Variants in RAD51B observed in about 807,000 individuals in gnomAD.
RAD51B encodes RAD51 paralog B.
RAD51B carries 38 observed loss-of-function variants against 42.2 expected under a neutral mutation model. The observed-to-expected ratio is 0.90, with a 90% CI of 0.70 to 1.18. The LOEUF (loss-of-function observed/expected upper bound fraction) is 1.18. Among genes scored for constraint, RAD51B ranks in the 50% most tolerant of loss-of-function variants. RAD51B has a pLI of 0.00. For missense variants in RAD51B, 373 were observed against 400.7 expected, an observed-to-expected ratio of 0.93 and a Z score of 0.59; for synonymous variants, 154 against 145.2, an observed-to-expected ratio of 1.06 and a Z score of -0.43.
chr14:68,624,697 G>A (rs1273552135), intron 10 of RAD51B, among the ~76,000 whole-genome samples: 1 of 152,132 alleles, frequency 6.6e-6, no homozygotes, highest in Non-Finnish European at 1.5e-5. Flanking sequence ...GCATGCGTGG[G>A]CAGTTCAGGA....
chr14:68,530,697 A>AT (rs906461724), intron 10 of RAD51B, among the ~76,000 whole-genome samples: 4 of 152,020 alleles, frequency 2.6e-5, no homozygotes, highest in East Asian at 1.9e-4. Flanking sequence ...CAGTTTTAGG[A>AT]TTTTTTTAAA....
At chr14:68,101,009 C>G (rs1422217692) in intron 7 of RAD51B, among the ~76,000 whole-genome samples, 1 of 152,182 alleles carries the variant, frequency 6.6e-6, no homozygotes, top group African/African-American at 2.4e-5. Flanking sequence ...GAAGGGGAAG[C>G]AAATATGTCC....
intron 9 of RAD51B, chr14:68,421,815 A>G: frequency 6.3e-7 from 1 of 1,597,454 alleles, no homozygotes; most frequent in Non-Finnish European, 8.5e-7. Context: ...GCCAAAGAGC[A>G]CGTGCTTGCC....
At chr14:68,002,769 A>G (rs1431432045) in intron 7 of RAD51B, among the ~76,000 whole-genome samples, 2 of 152,112 alleles carry the variant, frequency 1.3e-5, no homozygotes, top group African/African-American at 2.4e-5. Context: ...TCCCAGCACC[A>G]CCTATTAAAT....
intron 10 of RAD51B, among the ~76,000 whole-genome samples, chr14:68,491,092 T>G (rs1481639712): frequency 6.6e-6 from 1 of 152,136 alleles, no homozygotes; most frequent in Admixed American, 6.5e-5. Flanking sequence ...TGGATGCCTC[T>G]CCAATGTCCT....
At chr14:68,239,921 A>T (rs1040426522) in intron 7 of RAD51B, among the ~76,000 whole-genome samples, 2 of 152,234 alleles carry the variant, frequency 1.3e-5, no homozygotes, top group Non-Finnish European at 2.9e-5. Flanking sequence ...AAAAAGCTAC[A>T]TTAGTCACAT....
chr14:67,882,988 G>A lies in RAD51B; in HGVS notation c.453-2881G>A, dbSNP rs146847845. On this transcript the variant is annotated intron_variant, in intron 5 of 10. Coordinates refer to ENST00000471583, the MANE Select transcript of RAD51B (RefSeq NM_133510.4). ...TTGAACTCCTGACCTCAGGTGATCC[G>A]CCTGCCTTGGCCTCCCAGGGTGCTG... Among the ~76,000 whole-genome samples the A allele has an allele frequency of 8.9e-3, 1,359 of 152,246 alleles. 20 individuals carry two copies. The highest frequency in any genetic ancestry group is 0.031 in the African/African-American group (1,279 of 41,520).
intron 10 of RAD51B, among the ~76,000 whole-genome samples, chr14:68,609,879 C>CA (rs1397465827): frequency 2.6e-5 from 4 of 152,168 alleles, no homozygotes; most frequent in Non-Finnish European, 5.9e-5. Flanking sequence ...TTTGCCTCCC[C>CA]TCCATGGGTT....
chr14:67,886,113 T>TG (rs2043053177), intron 6 of RAD51B, 125 bp downstream of exon 6: 1 of 723,558 alleles, frequency 1.4e-6, no homozygotes, highest in Admixed American at 3.0e-5. Context: ...ACTTTTTCAG[T>TG]GTTCTTCTTT....
intron 10 of RAD51B, among the ~76,000 whole-genome samples, chr14:68,561,684 C>A (rs1405141012): frequency 6.6e-6 from 1 of 152,192 alleles, no homozygotes; most frequent in African/African-American, 2.4e-5. Context: ...TACATCTGGG[C>A]ACTGGCAGAG....
chr14:68,646,205 G>T (rs371266299), intron 10 of RAD51B, among the ~76,000 whole-genome samples: 1 of 152,278 alleles, frequency 6.6e-6, no homozygotes, highest in African/African-American at 2.4e-5. Flanking sequence ...CTAGTGCCAG[G>T]TTCCTCTCCA....
At chr14:68,377,486 T>C (rs764628800) in intron 8 of RAD51B, among the ~76,000 whole-genome samples, 14 of 152,234 alleles carry the variant, frequency 9.2e-5, no homozygotes, top group Non-Finnish European at 1.9e-4. Flanking sequence ...AGTGTTTCTT[T>C]GTTTCAACGA....
At chr14:68,305,857 A>G (rs2081849265) in intron 8 of RAD51B, among the ~76,000 whole-genome samples, 1 of 152,184 alleles carries the variant, frequency 6.6e-6, no homozygotes, top group South Asian at 2.1e-4. Flanking sequence ...CCATCATAGC[A>G]TGGTATAGGT....
At chr14:68,084,485 A>G (rs1269239679) in intron 7 of RAD51B, among the ~76,000 whole-genome samples, 1 of 152,144 alleles carries the variant, frequency 6.6e-6, no homozygotes, top group Non-Finnish European at 1.5e-5. Context: ...CCCTTGGGGG[A>G]CAAAATTGTC....
At chr14:68,494,666 C>G (rs1412845838) in intron 10 of RAD51B, among the ~76,000 whole-genome samples, 9 of 152,034 alleles carry the variant, frequency 5.9e-5, no homozygotes, top group African/African-American at 2.2e-4. Flanking sequence ...GTTTTCATCT[C>G]CAATTCCTGC....
At chr14:68,181,403 G>C (rs963454269) in intron 7 of RAD51B, among the ~76,000 whole-genome samples, 1 of 152,222 alleles carries the variant, frequency 6.6e-6, no homozygotes, top group Non-Finnish European at 1.5e-5. Context: ...AGACTGCCCA[G>C]GCTTTCTGCC....
chr14:68,017,215 A>G (rs967214302), intron 7 of RAD51B, among the ~76,000 whole-genome samples: 3 of 151,900 alleles, frequency 2.0e-5, no homozygotes, highest in Non-Finnish European at 4.4e-5. Context: ...ATTTTTTTTG[A>G]GATGGAATCT....
chr14:68,633,441 T>TC (rs947808408), intron 10 of RAD51B, among the ~76,000 whole-genome samples: 10 of 151,876 alleles, frequency 6.6e-5, no homozygotes, highest in Admixed American at 5.9e-4. Context: ...GCATTCGCAT[T>TC]CCCCCCACGA....
chr14:68,226,973 G>A (rs2140974779), intron 7 of RAD51B, among the ~76,000 whole-genome samples: 1 of 152,160 alleles, frequency 6.6e-6, no homozygotes, highest in East Asian at 1.9e-4. Context: ...TAAATGATAG[G>A]CACTATGTTA....
Sources: allele counts gnomAD v4.1 joint callset (sites outside exome capture counted in the v4.1 genomes callset), GRCh38; gene constraint gnomAD v4.1.1; transcripts MANE v1.5; gene names NCBI Gene and HGNC (gene_info 2026-07-23, HGNC 2026-07-21).